Variants in FXYD5 observed in about 807,000 individuals in gnomAD.
FXYD5 encodes FXYD domain-containing ion transport regulator 5.
Under a neutral mutation model 25.7 loss-of-function variants are expected in FXYD5, and 21 were observed. That is an observed-to-expected ratio of 0.82 (90% CI 0.58 to 1.18). The LOEUF (loss-of-function observed/expected upper bound fraction) is 1.18, where lower values mean the gene tolerates loss of function less well. Among genes scored for constraint, FXYD5 ranks in the 50% most tolerant of loss-of-function variants. The pLI, the probability that FXYD5 is intolerant of heterozygous loss-of-function variation, is 0.00. For missense variants in FXYD5, 229 were observed against 227.7 expected, an observed-to-expected ratio of 1.01 and a Z score of -0.04; for synonymous variants, 101 against 90.7, an observed-to-expected ratio of 1.11 and a Z score of -0.64.
At chr19:35,155,181 T>C in intron 1 of FXYD5, 1 of 271,772 alleles carries the variant, frequency 3.7e-6, no homozygotes, top group Non-Finnish European at 7.0e-6. Flanking sequence ...AGGCCTCCTA[T>C]CTACTCCTCT....
intron 2 of FXYD5, among the ~76,000 whole-genome samples, 174 bp downstream of exon 2, chr19:35,155,785 T>A (rs1339581490): frequency 6.6e-6 from 1 of 152,152 alleles, no homozygotes; most frequent in Non-Finnish European, 1.5e-5. Context: ...TACACCCTCT[T>A]TGGACACCTC....
chr19:35,164,141 T>C lies in FXYD5; in HGVS notation c.293-15T>C, dbSNP rs2065430388. 6.2e-7 allele frequency: 1 copy of C among 1,613,518 alleles called. No homozygotes were observed. The highest frequency in any genetic ancestry group is 8.5e-7 in the Non-Finnish European group (1 of 1,179,896). On this transcript the variant is annotated splice_polypyrimidine_tract_variant and intron_variant, in intron 5 of 8. Transcript: ENST00000392219. Reference sequence around the variant, plus strand: ...GGCTCACTCCTGCCCTCCACTGATCTGGCCACTCTCTCAGCTCATCCCACT... The same window carrying C: ...GGCTCACTCCTGCCCTCCACTGATCCGGCCACTCTCTCAGCTCATCCCACT...
chr19:35,157,649 T>C (rs890811305), intron 3 of FXYD5, 148 bp downstream of exon 3: 2 of 550,974 alleles, frequency 3.6e-6, no homozygotes, highest in African/African-American at 3.8e-5. Flanking sequence ...TTGATCTAGG[T>C]GCTCAAATGA....
At chr19:35,167,495 G>A (rs1301260347) in intron 8 of FXYD5, among the ~76,000 whole-genome samples, 1 of 152,230 alleles carries the variant, frequency 6.6e-6, no homozygotes, top group Non-Finnish European at 1.5e-5. Flanking sequence ...CAGAGGGCAA[G>A]GGGCCCAGGG....
intron 5 of FXYD5, among the ~76,000 whole-genome samples, chr19:35,161,376 T>C (rs1191512907): frequency 1.3e-5 from 2 of 152,226 alleles, no homozygotes; most frequent in Non-Finnish European, 2.9e-5. Context: ...GTCTTCATTC[T>C]CTACTAACTT....
In FXYD5 at chr19:35,169,622, C is replaced by A. The variant is rs201779969; in HGVS notation, c.*7C>A. The A allele has an allele frequency of 1.9e-6, 3 of 1,600,922 alleles. No individual in the cohort carries two copies. The highest frequency in any genetic ancestry group is 1.7e-5 in the Admixed American group (1 of 60,006). On this transcript the variant is annotated 3_prime_UTR_variant, in exon 9 of 9. Transcript: ENST00000392219. ...CCGGAATCGTTGCAGGTGAGTCCAT[C>A]AGAAACAGGAGCTGACAACCTGCTG...
chr19:35,159,783 A>G, intron 4 of FXYD5: 10 of 1,067,936 alleles, frequency 9.4e-6, no homozygotes, highest in Non-Finnish European at 1.3e-5. Context: ...GCTGTGAGTA[A>G]CTGGTTCAAG....
chr19:35,160,642 G>A (rs1357894136), intron 4 of FXYD5, 67 bp from the exon 5 acceptor site: 17 of 1,102,628 alleles, frequency 1.5e-5, no homozygotes, highest in African/African-American at 3.1e-5. Flanking sequence ...CACCGCGCCC[G>A]GCCCCAATTC....
chr19:35,156,917 A>T, intron 2 of FXYD5: 1 of 154,472 alleles, frequency 6.5e-6, no homozygotes, highest in Non-Finnish European at 1.4e-5. Context: ...TCCAGGCTGG[A>T]GGGTACAGAG....
chr19:35,161,895 C>T (rs1053767319), intron 5 of FXYD5, among the ~76,000 whole-genome samples: 17 of 152,178 alleles, frequency 1.1e-4, no homozygotes, highest in South Asian at 4.1e-4. Context: ...TTCCCTTTGT[C>T]GGTCTTTATA....
Position 35,158,367 on chromosome 19 carries a change from C to T in FXYD5, c.166C>T (p.Pro56Ser). Reference protein sequence around the residue: ...APDAVYTELQPTSPTPTWPAD... With the variant: ...APDAVYTELQSTSPTPTWPAD... ...AGATGCAGTCTACACAGAACTCCAG[C>T]CCACCTCTCCAACCCCAACCTGGCC... Residue 56 changes from proline to serine, a missense_variant, in exon 4 of 9, where the codon CCC (proline) becomes TCC (serine). Pro to Ser is a moderately conservative substitution (Grantham distance 74). Transcript: ENST00000392219. 6.2e-7 allele frequency: 1 copy of T among 1,607,892 alleles called. No homozygotes were observed. Among genetic ancestry groups the T allele is most frequent in the Non-Finnish European group, 8.5e-7 (1 of 1,174,478 alleles).
chr19:35,156,603 G>A (rs2065358048), intron 2 of FXYD5, among the ~76,000 whole-genome samples: 1 of 152,192 alleles, frequency 6.6e-6, no homozygotes. Context: ...CAGGTGTCTG[G>A]GGGCTGAGTG....
In FXYD5 at chr19:35,159,433, G is replaced by A. The variant is rs567378123; in HGVS notation, c.199+1033G>A. Reference sequence around the variant, plus strand: ...GTTCTGCAGCTTGCTTTGTTTCTTCGTGCAGTCGTATGTTTGGAAGTTCTT... The same window carrying A: ...GTTCTGCAGCTTGCTTTGTTTCTTCATGCAGTCGTATGTTTGGAAGTTCTT... On this transcript the variant is annotated intron_variant, in intron 4 of 8. Coordinates refer to ENST00000392219, the MANE Select transcript of FXYD5 (RefSeq NM_014164.6). The A allele has an allele frequency of 5.4e-5, 82 of 1,510,308 alleles. No homozygotes were observed. The African/African-American group carries it at 1.0e-3, about 19-fold the overall frequency. The allele number at this position is 1,510,308 out of a possible 1,614,324, so 93.6% of individuals were successfully genotyped here.
chr19:35,156,613 G>A (rs2065358195), intron 2 of FXYD5, among the ~76,000 whole-genome samples: 1 of 152,196 alleles, frequency 6.6e-6, no homozygotes, highest in African/African-American at 2.4e-5. Flanking sequence ...GGGGCTGAGT[G>A]TTGTCTGGTG....
Position 35,169,851 on chromosome 19 carries a change from A to G in FXYD5, c.*236A>G, listed in dbSNP as rs1343106924. 1.3e-5 allele frequency: 7 copies of G among 542,340 alleles called. No homozygotes were observed. Among genetic ancestry groups the G allele is most frequent in the Non-Finnish European group, 1.3e-5 (4 of 300,512 alleles). The allele number at this position is 542,340 out of a possible 1,614,324, so 33.6% of individuals were successfully genotyped here. On this transcript the variant is annotated 3_prime_UTR_variant, in exon 9 of 9. Coordinates refer to ENST00000392219, the MANE Select transcript of FXYD5 (RefSeq NM_014164.6). ...TGTCCCTCAAGTTATCTCCTCTGCT[A>G]AGACAAAAAGTAAAGCACTGTGGTC...
At position 35,160,722 on chromosome 19, in the gene FXYD5, C is replaced by T. The variant is rs147922868; in HGVS notation, c.213C>T (p.Pro71=). Residue 71 remains proline, a synonymous_variant, in exon 5 of 9, where the codon CCC becomes CCT. Coordinates refer to ENST00000392219, the MANE Select transcript of FXYD5 (RefSeq NM_014164.6). ...TGACCTGAATAGAAACACCACAACC[C>T]CAGACCCAGACCCAGCAACTGGAAG... The part of the protein sequence containing the change: ...PTWPADETPQ[P]QTQTQQLEGT... 16 of 1,612,240 alleles carry T rather than the reference C, an allele frequency of 9.9e-6. No individual in the cohort carries two copies. The African/African-American group carries it at 1.9e-4, about 19-fold the overall frequency.
rs574756616 is a variant in FXYD5, at chr19:35,155,193, C to A, written c.1-358C>A. The A allele has an allele frequency of 1.2e-4, 42 of 346,370 alleles. No homozygotes were observed. In the South Asian group the frequency reaches 1.3e-3, roughly 11 times the overall value. 21.5% of individuals were successfully genotyped at this position (346,370 alleles called of 1,614,324 possible). On this transcript the variant is annotated intron_variant, in intron 1 of 8. Coordinates refer to ENST00000392219, the MANE Select transcript of FXYD5 (RefSeq NM_014164.6). ...AAGAGGCCTCCTATCTACTCCTCTG[C>A]CCCAGTCCCCTCCTTGCGTCAGTCC...
intron 2 of FXYD5, among the ~76,000 whole-genome samples, chr19:35,155,980 G>A (rs1357541128): frequency 2.0e-5 from 3 of 152,230 alleles, no homozygotes; most frequent in Non-Finnish European, 2.9e-5. Context: ...AGGCAAAGCT[G>A]TTGAGCTGGG....
chr19:35,162,764 G>T (rs1287801581), intron 5 of FXYD5, among the ~76,000 whole-genome samples: 2 of 152,154 alleles, frequency 1.3e-5, no homozygotes, highest in African/African-American at 4.8e-5. Flanking sequence ...GATTTCAAAG[G>T]TCTCAGGGAA....
Sources: allele counts gnomAD v4.1 joint callset (sites outside exome capture counted in the v4.1 genomes callset), GRCh38; gene constraint gnomAD v4.1.1; transcripts MANE v1.5; gene names NCBI Gene and HGNC (gene_info 2026-07-23, HGNC 2026-07-21).